Variants in SPTLC3 observed in about 807,000 individuals in gnomAD.
SPTLC3 encodes serine palmitoyltransferase 3.
A neutral mutation model predicts 59.3 loss-of-function variants in SPTLC3; 36 were observed. That is an observed-to-expected ratio of 0.61 (90% CI 0.47 to 0.80). The LOEUF is 0.80. Among genes scored for constraint, SPTLC3 ranks in the 30% least tolerant of loss-of-function variants. The pLI, the probability that SPTLC3 is intolerant of heterozygous loss-of-function variation, is 0.00. For synonymous variants in SPTLC3, 257 were observed against 240.8 expected, an observed-to-expected ratio of 1.07 and a Z score of -0.62; for missense variants, 625 against 685.1, an observed-to-expected ratio of 0.91 and a Z score of 0.98.
chr20:13,095,292 G>A (rs910121870), intron 6 of SPTLC3, among the ~76,000 whole-genome samples: 6 of 152,160 alleles, frequency 3.9e-5, no homozygotes, highest in Non-Finnish European at 8.8e-5. Context: ...CCAGAGAGAC[G>A]TAGTCGGGGT....
chr20:13,046,046 A>C (rs1203455524), intron 1 of SPTLC3, among the ~76,000 whole-genome samples: 2 of 152,156 alleles, frequency 1.3e-5, no homozygotes, highest in Non-Finnish European at 2.9e-5. Flanking sequence ...GCCATTCTCT[A>C]AGTCAGCCAA....
chr20:13,141,371 T>C (rs1362107049), intron 9 of SPTLC3, among the ~76,000 whole-genome samples: 3 of 152,216 alleles, frequency 2.0e-5, no homozygotes, highest in Non-Finnish European at 4.4e-5. Context: ...AAAAGGACTG[T>C]GGTGCGGGTG....
chr20:13,162,361 A>G (rs1477531031), intron 11 of SPTLC3, among the ~76,000 whole-genome samples: 1 of 152,184 alleles, frequency 6.6e-6, no homozygotes, highest in African/African-American at 2.4e-5. Context: ...TCTCTTCACA[A>G]CTTCTTAATT....
intron 9 of SPTLC3, among the ~76,000 whole-genome samples, chr20:13,145,289 G>C (rs1041464919): frequency 6.6e-6 from 1 of 152,110 alleles, no homozygotes; most frequent in South Asian, 2.1e-4. Flanking sequence ...CTTCAGCAAA[G>C]TTGCAGGAAA....
At chr20:13,087,653 A>G (rs1989046549) in intron 4 of SPTLC3, among the ~76,000 whole-genome samples, 1 of 152,128 alleles carries the variant, frequency 6.6e-6, no homozygotes, top group Non-Finnish European at 1.5e-5. Flanking sequence ...CAAGACAAAC[A>G]TCTATGACAC....
intron 1 of SPTLC3, among the ~76,000 whole-genome samples, chr20:13,011,423 T>A (rs1184014623): frequency 6.6e-6 from 1 of 152,130 alleles, no homozygotes; most frequent in East Asian, 1.9e-4. Context: ...CCTCCAATGA[T>A]CCTCCCACCC....
At chr20:13,159,712 C>T (rs2122991570) in intron 10 of SPTLC3, among the ~76,000 whole-genome samples, 1 of 152,200 alleles carries the variant, frequency 6.6e-6, no homozygotes, top group Non-Finnish European at 1.5e-5. Flanking sequence ...TAAACATCAG[C>T]ATTTTCTGCT....
At chr20:13,046,288 T>C (rs1987228743) in intron 1 of SPTLC3, among the ~76,000 whole-genome samples, 1 of 152,186 alleles carries the variant, frequency 6.6e-6, no homozygotes, top group Non-Finnish European at 1.5e-5. Flanking sequence ...CCTTTTCTCC[T>C]ACATTCCTCA....
intron 1 of SPTLC3, among the ~76,000 whole-genome samples, chr20:13,029,997 G>C (rs2122425612): frequency 6.6e-6 from 1 of 152,288 alleles, no homozygotes; most frequent in Non-Finnish European, 1.5e-5. Flanking sequence ...TGGGACCTAG[G>C]TATAGTAGCT....
At chr20:13,131,415 G>T (rs2038117986) in intron 9 of SPTLC3, among the ~76,000 whole-genome samples, 2 of 152,130 alleles carry the variant, frequency 1.3e-5, no homozygotes, top group Admixed American at 6.6e-5. Flanking sequence ...CAAATTAAAG[G>T]TTGTCAGAAG....
At chr20:13,043,293 T>C (rs1987074311) in intron 1 of SPTLC3, among the ~76,000 whole-genome samples, 1 of 152,136 alleles carries the variant, frequency 6.6e-6, no homozygotes, top group Non-Finnish European at 1.5e-5. Flanking sequence ...TCCCCAACCT[T>C]CCTGCCCTTG....
chr20:13,092,033 G>A (rs1398820571), intron 5 of SPTLC3, among the ~76,000 whole-genome samples: 2 of 152,136 alleles, frequency 1.3e-5, no homozygotes, highest in Non-Finnish European at 2.9e-5. Context: ...CCATAGAAAA[G>A]GCATGCCCAT....
intron 2 of SPTLC3, among the ~76,000 whole-genome samples, chr20:13,066,920 AAATC>A (rs148377211): frequency 0.41 from 61,547 of 150,542 alleles, 12,710 homozygotes; most frequent in Middle Eastern, 0.56. Context: ...TTATGAAAAA[AAATC>A]ATCAATATAA....
At chr20:13,025,798 G>A (rs1458857984) in intron 1 of SPTLC3, among the ~76,000 whole-genome samples, 4 of 152,102 alleles carry the variant, frequency 2.6e-5, no homozygotes, top group African/African-American at 4.8e-5. Flanking sequence ...TTGTGTCACA[G>A]CAGTTTGTTG....
chr20:13,151,151 C>A (rs113301122), intron 9 of SPTLC3, among the ~76,000 whole-genome samples: 2,813 of 152,282 alleles, frequency 0.018, 54 homozygotes, highest in South Asian at 0.03. Flanking sequence ...TTCTACCAAC[C>A]AATGGCTTAC....
intron 11 of SPTLC3, among the ~76,000 whole-genome samples, chr20:13,163,036 T>A (rs972756738): frequency 2.6e-5 from 4 of 152,150 alleles, no homozygotes; most frequent in Non-Finnish European, 5.9e-5. Flanking sequence ...GTACATTATA[T>A]AAGAGACACA....
chr20:13,048,203 A>C (rs1433352482), intron 1 of SPTLC3, among the ~76,000 whole-genome samples: 1 of 65,880 alleles, frequency 1.5e-5, no homozygotes, highest in Non-Finnish European at 3.7e-5. Flanking sequence ...TGAGACCTAC[A>C]AATACATATG....
chr20:13,049,198 T>A, intron 2 of SPTLC3, 68 bp downstream of exon 2: 1 of 1,550,522 alleles, frequency 6.4e-7, no homozygotes, highest in Non-Finnish European at 8.9e-7. Context: ...TCAGAAGTGG[T>A]GATGCAGGTG....
At chr20:13,128,871 AT>A (rs35981991) in intron 9 of SPTLC3, among the ~76,000 whole-genome samples, 35,339 of 114,192 alleles carry the variant, frequency 0.31, 4,977 homozygotes, top group African/African-American at 0.51. Flanking sequence ...TGCCCAGCTA[AT>A]TTTTTTTTTT....
Sources: allele counts gnomAD v4.1 joint callset (sites outside exome capture counted in the v4.1 genomes callset), GRCh38; gene constraint gnomAD v4.1.1; transcripts MANE v1.5; gene names NCBI Gene and HGNC (gene_info 2026-07-23, HGNC 2026-07-21).